The following PRPF8 variants were observed in gnomAD, a reference collection of about 807,000 sequenced individuals.
The protein encoded by PRPF8 is pre-mRNA-processing-splicing factor 8.
Under a neutral mutation model 285.9 loss-of-function variants are expected in PRPF8, and 64 were observed. The ratio of observed to expected loss-of-function variants is 0.22; its 90% confidence interval spans 0.18 to 0.28. The LOEUF is 0.28. Ranked by LOEUF, PRPF8 falls within the 10% of genes least tolerant of loss-of-function variation. The pLI, the probability that PRPF8 is intolerant of heterozygous loss-of-function variation, is 1.00. For synonymous variants in PRPF8, 1,325 were observed against 1,118.2 expected (o/e 1.18, Z -3.69); for missense variants, 1,426 against 3,026.7 (o/e 0.47, Z 12.41).
chr17:1,681,725 C>G, intron 5 of PRPF8, 35 bp from the exon 6 acceptor site: 2 of 1,611,546 alleles, frequency 1.2e-6, no homozygotes, highest in Non-Finnish European at 1.7e-6. Context: ...CTCAAGTAAG[C>G]AGCTAGACAA....
At position 1,651,202 on chromosome 17, in the gene PRPF8, A is replaced by G. The variant is rs774449103; in HGVS notation, c.6759T>C (p.Pro2253=). The G allele has an allele frequency of 4.3e-6, 7 of 1,614,196 alleles. No homozygotes were observed. The highest frequency in any genetic ancestry group is 5.1e-6 in the Non-Finnish European group (6 of 1,180,046). ...GCATCTGCACCCTCTCATAGTGTGA[A>G]GGCAGGTAGCCCTTGGGGTTGTTGC... is the stretch of plus-strand genomic sequence containing the variant. ...DKGNNPKGYL[P]SHYERVQMLL... is the part of the protein sequence containing the mutation. Residue 2253 remains proline (P), a synonymous_variant, in exon 42 of 43, where the codon CCT becomes CCC. Transcript: ENST00000304992. This position sits in a 1 kb window ranked among gnomAD's most constrained non-coding sequence, Gnocchi z 5.1.
chr17:1,663,803 A>C (rs749593546), intron 24 of PRPF8, among the ~76,000 whole-genome samples: 5 of 152,062 alleles, frequency 3.3e-5, no homozygotes, highest in African/African-American at 4.8e-5. Flanking sequence ...TTAACAGTAA[A>C]AAGATGGAAA....
rs2151125656 is a variant in PRPF8, at chr17:1,673,184, C to T, written c.3671G>A (p.Arg1224His). ...CACACGCAGGAAACACTGAGCTGTGCGCTCCTTAGTAACCTAAACCACAAA... is the reference window on the plus strand; with the variant it reads ...CACACGCAGGAAACACTGAGCTGTGTGCTCCTTAGTAACCTAAACCACAAA... ...WNLQNEVTKE[R>H]TAQCFLRVDD... The change falls in exon 24 of 43, where the codon CGC (arginine) becomes CAC (histidine). Residue 1224 changes from arginine (R) to histidine (H), a missense_variant. By Grantham distance (29) the Arg-to-His change is conservative (BLOSUM62 0). Coordinates refer to ENST00000304992, the MANE Select transcript of PRPF8 (RefSeq NM_006445.4). This position sits in a 1 kb window ranked among gnomAD's most constrained non-coding sequence, Gnocchi z 5.5. 2.5e-6 allele frequency: 4 copies of T among 1,614,180 alleles called. No individual in the cohort carries two copies. Among genetic ancestry groups the T allele is most frequent in the Non-Finnish European group, 2.5e-6 (3 of 1,180,022 alleles).
Position 1,659,087 on chromosome 17 carries a change from G to C in PRPF8, c.5138+270C>G. ...GTCGCCCAGGCTGGAGTGCAGTGGC[G>C]CAATCTCGGTTCACTGCAAGCTCCG... On this transcript the variant is annotated intron_variant, in intron 32 of 42. Transcript: ENST00000304992. This position sits in a 1 kb window ranked among gnomAD's most constrained non-coding sequence, Gnocchi z 5.1. 1 of 596,172 alleles carries C rather than the reference G, an allele frequency of 1.7e-6. No individual in the cohort carries two copies. The highest frequency in any genetic ancestry group is 3.0e-6 in the Non-Finnish European group (1 of 337,988). 36.9% of individuals were successfully genotyped at this position (596,172 alleles called of 1,614,324 possible). A position where few individuals can be genotyped will look rare whatever the true frequency, so the allele number is the denominator to read the frequency against.
At chr17:1,669,137 T>C (rs1912164638) in intron 24 of PRPF8, among the ~76,000 whole-genome samples, 2 of 152,170 alleles carry the variant, frequency 1.3e-5, no homozygotes, top group Non-Finnish European at 2.9e-5. Flanking sequence ...GACGGAGTCT[T>C]GCTCTGTCGC....
chr17:1,660,966 G>A, intron 28 of PRPF8, 27 bp downstream of exon 28: 1 of 1,613,164 alleles, frequency 6.2e-7, no homozygotes, highest in Non-Finnish European at 8.5e-7. Flanking sequence ...GTTGTGACAG[G>A]TCCCTCTAAG....
In PRPF8 at chr17:1,650,720, C is replaced by T. The variant is rs1156512023; in HGVS notation, c.*82G>A. On this transcript the variant is annotated 3_prime_UTR_variant, in exon 43 of 43. Coordinates refer to ENST00000304992, the MANE Select transcript of PRPF8 (RefSeq NM_006445.4). ...ACAAGCACAGACAGAGGGAAAGAGG[C>T]CAAACTGCTGAATGTCAGCGGCCTG... 3.2e-6 allele frequency: 5 copies of T among 1,545,782 alleles called. No individual in the cohort carries two copies. The highest frequency in any genetic ancestry group is 4.5e-6 in the Non-Finnish European group (5 of 1,120,056).
chr17:1,673,996 C>G lies in PRPF8; in HGVS notation c.3300-104G>C, dbSNP rs1480629197. 11 of 1,278,942 alleles carry G rather than the reference C, an allele frequency of 8.6e-6. No individual in the cohort carries two copies. The allele number at this position is 1,278,942 out of a possible 1,614,324, so 79.2% of individuals were successfully genotyped here. On this transcript the variant is annotated intron_variant, in intron 21 of 42. Transcript: ENST00000304992. This position sits in a 1 kb window ranked among gnomAD's most constrained non-coding sequence, Gnocchi z 5.5. ...CGGAGACCCCACCCCATCCTACCCC[C>G]ACCCTCCCCGGGCTTCATTCCATTT...
chr17:1,654,170 G>A (rs920964341), intron 37 of PRPF8, 154 bp from the exon 38 acceptor site: 1 of 1,114,504 alleles, frequency 9.0e-7, no homozygotes, highest in South Asian at 1.3e-5. Context: ...TGAAACGGAG[G>A]TGCACTAACA....
At position 1,658,682 on chromosome 17, in the gene PRPF8, CA is replaced by C; in HGVS notation, c.5219del (p.Leu1740ArgfsTer49). On this transcript the variant is annotated frameshift_variant, in exon 33 of 43. Coordinates refer to ENST00000304992, the MANE Select transcript of PRPF8 (RefSeq NM_006445.4). LOFTEE classifies it high-confidence loss of function. The surrounding 1 kb of genome is among the most constrained non-coding windows in gnomAD (Gnocchi z 4.1). The stretch of plus-strand genomic sequence containing the variant: ...TGCGGATCCGTTCACGTAACACATA[CA>C]GGGCAGGGTTTGCCTTCATGATCTT... The part of the protein sequence containing the change: ...MAKIMKANPA[L>X]YVLRERIRKG... 1 of 1,614,230 alleles carries C rather than the reference CA, an allele frequency of 6.2e-7. No homozygotes were observed. The highest frequency in any genetic ancestry group is 8.5e-7 in the Non-Finnish European group (1 of 1,180,044).
Position 1,651,689 on chromosome 17 carries a change from C to T in PRPF8, c.6469G>A (p.Val2157Met), listed in dbSNP as rs750741891. The change falls in exon 40 of 43, where the codon GTG becomes ATG. Residue 2157 changes from valine (V) to methionine (M), a missense_variant. Transcript: ENST00000304992. This position sits in a 1 kb window ranked among gnomAD's most constrained non-coding sequence, Gnocchi z 5.1. ...TGGGGCAGCTGGCCAGGCAGGTGCA[C>T]GGTCTGGTGAGTGCCCCACTGCGGC... ...MVPQWGTHQT[V>M]HLPGQLPQHE... The T allele has an allele frequency of 3.7e-6, 6 of 1,614,042 alleles. No homozygotes were observed. Among genetic ancestry groups the T allele is most frequent in the Non-Finnish European group, 5.1e-6 (6 of 1,180,034 alleles).
Position 1,656,400 on chromosome 17 carries a change from ATGAAATAG to A in PRPF8, c.5777_5784del (p.Thr1926IlefsTer45), listed in dbSNP as rs757593512. On this transcript the variant is annotated frameshift_variant, in exon 36 of 43. Coordinates refer to ENST00000304992, the MANE Select transcript of PRPF8 (RefSeq NM_006445.4). LOFTEE classifies it high-confidence loss of function. Reference sequence around the variant, plus strand: ...CTTCCCGAGGTTCATACCGTGTAAGATGAAATAGTCTTGAGCCAGTCGTCATAGAGGTT... The same window carrying A: ...CTTCCCGAGGTTCATACCGTGTAAGATCTTGAGCCAGTCGTCATAGAGGTT... 6.2e-7 allele frequency: 1 copy of A among 1,614,198 alleles called. No individual in the cohort carries two copies. Among genetic ancestry groups the A allele is most frequent in the Non-Finnish European group, 8.5e-7 (1 of 1,180,052 alleles).
chr17:1,678,696 C>T, intron 12 of PRPF8, 44 bp from the exon 13 acceptor site: 2 of 1,614,146 alleles, frequency 1.2e-6, no homozygotes, highest in Non-Finnish European at 8.5e-7. Flanking sequence ...TAAACCAGCT[C>T]CACGGTCAGC....
At position 1,659,864 on chromosome 17, in the gene PRPF8, C is replaced by G; in HGVS notation, c.4923G>C (p.Arg1641=). 6.2e-7 allele frequency: 1 copy of G among 1,614,126 alleles called. No homozygotes were observed. Among genetic ancestry groups the G allele is most frequent in the South Asian group, 1.1e-5 (1 of 91,078 alleles). ...LFASYKWNVS[R]PSLLADSKDV... The stretch of plus-strand genomic sequence containing the variant: ...ACTTGGAGTCAGCCAGCAATGAGGG[C>G]CGGGAGACATTCCACTTATAGGAGG... The change falls in exon 31 of 43, where the codon CGG becomes CGC. Residue 1641 remains arginine (R), a synonymous_variant. Transcript: ENST00000304992. The surrounding 1 kb of genome is among the most constrained non-coding windows in gnomAD (Gnocchi z 5.1).
chr17:1,660,971 T>TC (rs1911653645), intron 28 of PRPF8, 22 bp downstream of exon 28: 1 of 1,613,252 alleles, frequency 6.2e-7, no homozygotes, highest in East Asian at 2.2e-5. Context: ...GACAGGTCCC[T>TC]CTAAGAGAGG....
Position 1,675,248 on chromosome 17 carries a change from G to A in PRPF8, c.2964C>T (p.Ile988=), listed in dbSNP as rs780110077. 39 of 1,614,014 alleles carry A rather than the reference G, an allele frequency of 2.4e-5. No individual in the cohort carries two copies. The highest frequency in any genetic ancestry group is 3.1e-5 in the Non-Finnish European group (37 of 1,180,046). ...ESRFEKMYEK[I]DLTLLNRLLR... is the part of the protein sequence containing the mutation. ...GCAGCCTGTTGAGCAGAGTCAAGTCGATCTTCTCATACATCTTCTCAAAGC... is the reference window on the plus strand; with the variant it reads ...GCAGCCTGTTGAGCAGAGTCAAGTCAATCTTCTCATACATCTTCTCAAAGC... Residue 988 remains isoleucine, a synonymous_variant, in exon 20 of 43, where the codon ATC becomes ATT. Coordinates refer to ENST00000304992, the MANE Select transcript of PRPF8 (RefSeq NM_006445.4). The surrounding 1 kb of genome is among the most constrained non-coding windows in gnomAD (Gnocchi z 6.0).
At position 1,673,684 on chromosome 17, in the gene PRPF8, A is replaced by G. The variant is rs141504809; in HGVS notation, c.3446+62T>C. On this transcript the variant is annotated intron_variant, in intron 22 of 42. Transcript: ENST00000304992. This position sits in a 1 kb window ranked among gnomAD's most constrained non-coding sequence, Gnocchi z 5.5. ...TCCCACCCAGGACGCAGCCTCAGGT[A>G]TGCCCTCTCTGGGCCCTTAGCTTAT... The G allele has an allele frequency of 3.2e-4, 516 of 1,612,494 alleles. 3 individuals are homozygous for G. In the African/African-American group the frequency reaches 6.2e-3, roughly 19 times the overall value.
In PRPF8 at chr17:1,674,948, T is replaced by A. The variant is rs1912534868; in HGVS notation, c.3060+204A>T. On this transcript the variant is annotated intron_variant, in intron 20 of 42. Coordinates refer to ENST00000304992, the MANE Select transcript of PRPF8 (RefSeq NM_006445.4). ...CACCACACCCAACTAATTTTTGTAT[T>A]TTTTTAAGTAGAGACGGGGTTTCAC... 3.9e-5 allele frequency among the ~76,000 whole-genome samples: 6 copies of A among 151,904 alleles called. No homozygotes were observed. The South Asian group carries it at 1.3e-3, about 32-fold the overall frequency.
At chr17:1,671,151 T>C (rs1471542879) in intron 24 of PRPF8, among the ~76,000 whole-genome samples, 1 of 152,204 alleles carries the variant, frequency 6.6e-6, no homozygotes. Context: ...GCCACACTTC[T>C]GGCTAAAGGA....
Sources: gnomAD v4.1 joint callset for allele counts (sites outside exome capture counted in the v4.1 genomes callset) on GRCh38, gnomAD v4.1.1 for gene constraint, Gnocchi (gnomAD v3.1) non-coding constraint, MANE v1.5 for transcripts, NCBI Gene and HGNC (gene_info 2026-07-23, HGNC 2026-07-21) for gene names.